ADAM12: variants seen among roughly 807,000 people sequenced by gnomAD.
ADAM12 encodes the protein ADAM metallopeptidase domain 12.
In ADAM12, 70 loss-of-function variants were observed where a neutral mutation model predicts 106.4. That is an observed-to-expected ratio of 0.66 (90% CI 0.54 to 0.80). The LOEUF is 0.80. Among genes scored for constraint, ADAM12 ranks in the 30% least tolerant of loss-of-function variants. ADAM12 has a pLI of 0.00. For synonymous variants in ADAM12, 420 were observed against 433.5 expected (o/e 0.97, Z 0.39); for missense variants, 1,010 against 1,171.9 (o/e 0.86, Z 2.02).
At chr10:126,328,548 G>T (rs1789939558) in intron 2 of ADAM12, among the ~76,000 whole-genome samples, 1 of 152,122 alleles carries the variant, frequency 6.6e-6, no homozygotes, top group African/African-American at 2.4e-5. Context: ...AACAGACATT[G>T]ACATGCACCA....
At chr10:126,369,116 T>C (rs542073883) in intron 1 of ADAM12, among the ~76,000 whole-genome samples, 2 of 152,226 alleles carry the variant, frequency 1.3e-5, no homozygotes, top group South Asian at 4.1e-4. Flanking sequence ...TTTGGATACA[T>C]GGTATTTTTT....
chr10:126,108,579 G>A lies in ADAM12; in HGVS notation c.741+14C>T. On this transcript the variant is annotated intron_variant, in intron 8 of 22. Transcript: ENST00000448723. ...ACATGATCTGAATGATTTAACTACT[G>A]AAAAAGAACTTACCTTGTCAACGTG... is the stretch of plus-strand genomic sequence containing the variant. 1.2e-6 allele frequency: 2 copies of A among 1,610,172 alleles called. No homozygotes were observed. The highest frequency in any genetic ancestry group is 1.1e-5 in the South Asian group (1 of 90,962).
At chr10:126,139,955 G>T (rs1330826127) in intron 4 of ADAM12, among the ~76,000 whole-genome samples, 3 of 152,152 alleles carry the variant, frequency 2.0e-5, no homozygotes, top group Non-Finnish European at 4.4e-5. Context: ...CTATGAGGGG[G>T]TTATATAATT....
intron 1 of ADAM12, among the ~76,000 whole-genome samples, chr10:126,357,488 A>T (rs779189329): frequency 1.3e-5 from 2 of 152,218 alleles, no homozygotes; most frequent in African/African-American, 4.8e-5. Flanking sequence ...GGCTTTTCTA[A>T]TACAGAACCT....
At chr10:126,086,318 G>A (rs576896626) in intron 11 of ADAM12, among the ~76,000 whole-genome samples, 1 of 152,038 alleles carries the variant, frequency 6.6e-6, no homozygotes, top group East Asian at 1.9e-4. Context: ...ATGTCCTGGG[G>A]CTTCTACTTA....
rs1432004642 is a variant in ADAM12, at chr10:126,117,763, G to GGT, written c.603+274_603+275insAC. On this transcript the variant is annotated intron_variant, in intron 6 of 22. Transcript: ENST00000448723. ...GAGCTTGTGGGGGTAGAAGTTGGGG[G>GGT]GGCGTAATTTTGTCATCCTTTGATC... 7.9e-4 allele frequency among the ~76,000 whole-genome samples: 103 copies of GGT among 129,570 alleles called. 3 individuals carry two copies. In the East Asian group the frequency reaches 0.028, roughly 35 times the overall value. 85.0% of individuals were successfully genotyped at this position (129,570 alleles called of 152,430 possible).
At chr10:126,072,101 C>G (rs1257631915) in intron 11 of ADAM12, among the ~76,000 whole-genome samples, 1 of 152,152 alleles carries the variant, frequency 6.6e-6, no homozygotes, top group East Asian at 1.9e-4. Context: ...TTCCATGGTT[C>G]CAAGGACACA....
chr10:126,228,538 C>T (rs1269026116), intron 3 of ADAM12, among the ~76,000 whole-genome samples: 1 of 152,088 alleles, frequency 6.6e-6, no homozygotes, highest in Non-Finnish European at 1.5e-5. Context: ...TAGAAAACAT[C>T]CTACTCATAA....
chr10:126,235,179 G>T (rs914752983), intron 3 of ADAM12, among the ~76,000 whole-genome samples: 1 of 152,228 alleles, frequency 6.6e-6, no homozygotes, highest in South Asian at 2.1e-4. Context: ...GGCACCTGCT[G>T]CTCTGTGGCA....
intron 3 of ADAM12, among the ~76,000 whole-genome samples, chr10:126,202,042 A>C (rs570149039): frequency 6.6e-6 from 1 of 152,196 alleles, no homozygotes. Flanking sequence ...CAGGATGTAC[A>C]GCACCAGTGC....
chr10:126,188,134 T>C (rs1263483665), intron 3 of ADAM12, among the ~76,000 whole-genome samples: 4 of 152,238 alleles, frequency 2.6e-5, no homozygotes, highest in African/African-American at 9.6e-5. Flanking sequence ...CTGTTTGCTG[T>C]CCTCTTCCTC....
intron 11 of ADAM12, among the ~76,000 whole-genome samples, chr10:126,083,517 G>A (rs935300111): frequency 2.6e-5 from 4 of 152,064 alleles, no homozygotes; most frequent in Non-Finnish European, 2.9e-5. Flanking sequence ...GGAGCCAGAC[G>A]TAAACAGAAG....
intron 12 of ADAM12, chr10:126,067,122 T>A: frequency 3.2e-6 from 1 of 314,006 alleles, no homozygotes; most frequent in Non-Finnish European, 6.2e-6. Context: ...TAGAGGGGTG[T>A]CCAGGCGGAT....
At chr10:126,077,310 T>C (rs551962366) in intron 11 of ADAM12, among the ~76,000 whole-genome samples, 2 of 152,286 alleles carry the variant, frequency 1.3e-5, no homozygotes, top group Admixed American at 6.5e-5. Context: ...ATCAATATTG[T>C]TAACATGTTC....
chr10:126,227,678 G>T (rs1393694385), intron 3 of ADAM12, among the ~76,000 whole-genome samples: 2 of 152,152 alleles, frequency 1.3e-5, no homozygotes, highest in African/African-American at 4.8e-5. Flanking sequence ...ATTCAGGAAG[G>T]CACCGTGTCT....
In ADAM12 at chr10:126,228,576, A is replaced by G. The variant is rs114079567; in HGVS notation, c.260+50339T>C. 2.0e-3 allele frequency among the ~76,000 whole-genome samples: 307 copies of G among 152,364 alleles called. 3 individuals are homozygous for G. Among genetic ancestry groups the G allele is most frequent in the African/African-American group, 7.2e-3 (299 of 41,598 alleles). ...CTATTTCATACCAGAATGAAATCAG[A>G]TAATTAGAAATCATGTTTCTAGTAG... On this transcript the variant is annotated intron_variant, in intron 3 of 22. Coordinates refer to ENST00000448723, the MANE Select transcript of ADAM12 (RefSeq NM_001288973.2).
chr10:126,161,113 TTA>T (rs1226291486), intron 3 of ADAM12, among the ~76,000 whole-genome samples: 1 of 85,154 alleles, frequency 1.2e-5, no homozygotes, highest in Non-Finnish European at 2.7e-5. Context: ...CCTTACTTAT[TTA>T]TCTCTACCTT....
At chr10:126,182,074 C>G (rs941610051) in intron 3 of ADAM12, among the ~76,000 whole-genome samples, 1 of 152,224 alleles carries the variant, frequency 6.6e-6, no homozygotes, top group African/African-American at 2.4e-5. Context: ...GCACCGGCAA[C>G]GCAGTGCATC....
chr10:126,187,691 C>T (rs1957425132), intron 3 of ADAM12, among the ~76,000 whole-genome samples: 1 of 152,218 alleles, frequency 6.6e-6, no homozygotes, highest in African/African-American at 2.4e-5. Context: ...GGCGGAGCTG[C>T]AGGGTGGGCA....
Sources: allele counts gnomAD v4.1 joint callset (sites outside exome capture counted in the v4.1 genomes callset), GRCh38; gene constraint gnomAD v4.1.1; transcripts MANE v1.5; gene names NCBI Gene and HGNC (gene_info 2026-07-23, HGNC 2026-07-21).